Variants in WDR76 observed in about 807,000 individuals in gnomAD.
The protein encoded by WDR76 is WD repeat domain 76.
In WDR76, 52 loss-of-function variants were observed where a neutral mutation model predicts 70.2. That is an observed-to-expected ratio of 0.74 (90% CI 0.59 to 0.93). The LOEUF (loss-of-function observed/expected upper bound fraction) is 0.93. WDR76 is among the 40% of genes least tolerant of loss of function. WDR76 has a pLI of 0.00. For missense variants in WDR76, 756 were observed against 760.2 expected, an observed-to-expected ratio of 0.99 and a Z score of 0.07; for synonymous variants, 292 against 271.1, an observed-to-expected ratio of 1.08 and a Z score of -0.76.
At chr15:43,840,641 A>G (rs2087713181) in intron 5 of WDR76, among the ~76,000 whole-genome samples, 1 of 152,174 alleles carries the variant, frequency 6.6e-6, no homozygotes, top group Non-Finnish European at 1.5e-5. Flanking sequence ...GGGAAGCAGC[A>G]TAGAAGAGTA....
chr15:43,862,442 C>T (rs1231568085), intron 12 of WDR76, among the ~76,000 whole-genome samples: 1 of 149,886 alleles, frequency 6.7e-6, no homozygotes, highest in Non-Finnish European at 1.5e-5. Context: ...CTCAGCCTCC[C>T]AAGAAGCTGG....
intron 9 of WDR76, among the ~76,000 whole-genome samples, chr15:43,853,347 T>C (rs1023594562): frequency 3.3e-5 from 5 of 151,620 alleles, no homozygotes; most frequent in African/African-American, 1.2e-4. Context: ...TGTGTCACCA[T>C]GCTTGGCTAA....
At chr15:43,850,828 A>T (rs1316124532) in intron 8 of WDR76, among the ~76,000 whole-genome samples, 1 of 152,226 alleles carries the variant, frequency 6.6e-6, no homozygotes, top group Non-Finnish European at 1.5e-5. Context: ...ACAGTAATAT[A>T]TAAACTATTT....
At chr15:43,831,777 A>G (rs148226815) in intron 2 of WDR76, among the ~76,000 whole-genome samples, 97 of 152,014 alleles carry the variant, frequency 6.4e-4, no homozygotes, top group Admixed American at 9.8e-4. Flanking sequence ...ATTTTGGTGA[A>G]GTACAGCTTT....
At chr15:43,866,050 A>G in intron 12 of WDR76, 78 bp from the exon 13 acceptor site, 2 of 1,522,356 alleles carry the variant, frequency 1.3e-6, no homozygotes, top group Non-Finnish European at 1.8e-6. Context: ...TTTAGGAGCA[A>G]TGCCGTCTTT....
chr15:43,856,326 C>G (rs919394985), intron 9 of WDR76, among the ~76,000 whole-genome samples: 1 of 152,002 alleles, frequency 6.6e-6, no homozygotes, highest in Non-Finnish European at 1.5e-5. Context: ...GATTAACTGT[C>G]AAAAATGTAT....
chr15:43,857,820 CAAAAAAAAAAAAAA>C (rs972013972), intron 10 of WDR76, among the ~76,000 whole-genome samples: 73 of 57,952 alleles, frequency 1.3e-3, no homozygotes, highest in African/African-American at 4.9e-3. Context: ...CTCTTGTCTC[CAAAAAAAAAAAAAA>C]AAAAAAAAAA....
At chr15:43,849,785 C>T (rs1174259021) in intron 8 of WDR76, among the ~76,000 whole-genome samples, 2 of 152,194 alleles carry the variant, frequency 1.3e-5, no homozygotes, top group Admixed American at 1.3e-4. Flanking sequence ...ATCCACCCAC[C>T]TCAGCCTCCC....
intron 8 of WDR76, among the ~76,000 whole-genome samples, chr15:43,846,310 C>A (rs757043921): frequency 6.8e-6 from 1 of 147,196 alleles, no homozygotes; most frequent in South Asian, 2.1e-4. Flanking sequence ...CCCTGAGATA[C>A]GGTCCCACTC....
chr15:43,836,745 T>C (rs1389081956), intron 4 of WDR76, among the ~76,000 whole-genome samples: 3 of 151,910 alleles, frequency 2.0e-5, no homozygotes, highest in Non-Finnish European at 4.4e-5. Context: ...AAAGATAAAA[T>C]TGTTGGCTGG....
At chr15:43,853,907 A>AC (rs2087895326) in intron 9 of WDR76, among the ~76,000 whole-genome samples, 1 of 151,522 alleles carries the variant, frequency 6.6e-6, no homozygotes, top group African/African-American at 2.4e-5. Context: ...CTGTCTCAAA[A>AC]AAAAAAAACA....
rs192050325 is a variant in WDR76, at chr15:43,832,468, T to C, written c.463-2593T>C. Among the ~76,000 whole-genome samples, 10 of 150,818 alleles carry C rather than the reference T, an allele frequency of 6.6e-5. No individual in the cohort carries two copies. In the East Asian group the frequency reaches 2.0e-3, roughly 30 times the overall value. ...GTTTTTTTGTTTTTTTTTCTTGAGG[T>C]GGGGTCTCACCCTGTCGCCCAGGCT... is the stretch of plus-strand genomic sequence containing the variant. On this transcript the variant is annotated intron_variant, in intron 2 of 12. Coordinates refer to ENST00000263795, the MANE Select transcript of WDR76 (RefSeq NM_024908.4).
In WDR76 at chr15:43,828,016, G is replaced by T. The variant is rs751456124; in HGVS notation, c.112G>T (p.Ala38Ser). 5.2e-5 allele frequency: 84 copies of T among 1,613,684 alleles called. No homozygotes were observed. Among genetic ancestry groups the T allele is most frequent in the Non-Finnish European group, 7.0e-5 (83 of 1,179,938 alleles). ...QNIAYVSLRPAQTTVLIKTAK... is the reference protein window; with the variant it reads ...QNIAYVSLRPSQTTVLIKTAK... The stretch of plus-strand genomic sequence containing the variant: ...CATCGCTTATGTGTCTCTGAGACCA[G>T]CACAGACTACAGTTTTAATAAAAAC... Residue 38 changes from alanine to serine, a missense_variant, in exon 2 of 13, where the codon GCA becomes TCA. By Grantham distance (99) the Ala-to-Ser change is moderately conservative. Coordinates refer to ENST00000263795, the MANE Select transcript of WDR76 (RefSeq NM_024908.4).
At chr15:43,860,910 CTTTTTTTTTTTTT>C (rs34504509) in intron 11 of WDR76, among the ~76,000 whole-genome samples, 1 of 78,994 alleles carries the variant, frequency 1.3e-5, no homozygotes, top group Admixed American at 1.5e-4. Context: ...TGATCTTACT[CTTTTTTTTTTTTT>C]TTTTTTTTTT....
At position 43,836,163 on chromosome 15, in the gene WDR76, T is replaced by C; in HGVS notation, c.555T>C (p.Ser185=). The C allele has an allele frequency of 6.2e-7, 1 of 1,606,140 alleles. No homozygotes were observed. The highest frequency in any genetic ancestry group is 1.1e-5 in the South Asian group (1 of 88,724). ...TACATGATTTTTATACTTTACAGTC[T>C]GCTGCAAGACTCCGTGAAATGATAG... ...DFFASLQLSE[S]AARLREMIEK... is the part of the protein sequence containing the mutation. Residue 185 remains serine (S), a splice_region_variant and synonymous_variant, in exon 4 of 13, where the codon TCT becomes TCC. Coordinates refer to ENST00000263795, the MANE Select transcript of WDR76 (RefSeq NM_024908.4).
intron 7 of WDR76, among the ~76,000 whole-genome samples, chr15:43,843,029 T>G (rs560327840): frequency 6.1e-5 from 9 of 147,352 alleles, no homozygotes; most frequent in East Asian, 5.8e-4. Flanking sequence ...TTTTTTTTTT[T>G]TTTTTGTTTT....
intron 2 of WDR76, among the ~76,000 whole-genome samples, chr15:43,829,048 G>A (rs1425017828): frequency 2.0e-5 from 3 of 151,852 alleles, no homozygotes; most frequent in African/African-American, 7.3e-5. Context: ...GATTACAGGC[G>A]CGTGCCACCA....
rs902044575 is a variant in WDR76, at chr15:43,855,215, C to T, written c.1192-1731C>T. ...TTTGTTTCAGATACCACTGACTAAACAGTTACCTTATACTAGGCACTATCT... is the reference window on the plus strand; with the variant it reads ...TTTGTTTCAGATACCACTGACTAAATAGTTACCTTATACTAGGCACTATCT... On this transcript the variant is annotated intron_variant, in intron 9 of 12. Transcript: ENST00000263795. 4.6e-5 allele frequency among the ~76,000 whole-genome samples: 7 copies of T among 152,210 alleles called. 1 individual carries two copies. Among genetic ancestry groups the T allele is most frequent in the Admixed American group, 3.9e-4 (6 of 15,282 alleles).
intron 9 of WDR76, 75 bp downstream of exon 9, chr15:43,851,320 T>C: frequency 6.4e-7 from 1 of 1,564,812 alleles, no homozygotes; most frequent in Non-Finnish European, 8.7e-7. Flanking sequence ...GAATAATTAT[T>C]ATACCAATTG....
Sources: gnomAD v4.1 joint callset for allele counts (sites outside exome capture counted in the v4.1 genomes callset) on GRCh38, gnomAD v4.1.1 for gene constraint, MANE v1.5 for transcripts, NCBI Gene and HGNC (gene_info 2026-07-23, HGNC 2026-07-21) for gene names.